Variants in POU6F2 observed in about 807,000 individuals in gnomAD.
The protein encoded by POU6F2 is POU class 6 homeobox 2.
POU6F2 carries 31 observed loss-of-function variants against 71.3 expected under a neutral mutation model. The observed-to-expected ratio is 0.43, with a 90% CI of 0.33 to 0.59. POU6F2 has a LOEUF of 0.59. Ranked by LOEUF, POU6F2 falls within the 20% of genes least tolerant of loss-of-function variation. POU6F2 has a pLI of 0.04. For synonymous variants in POU6F2, 347 were observed against 355.7 expected (o/e 0.98, Z 0.27); for missense variants, 783 against 856.8 (o/e 0.91, Z 1.07).
intron 4 of POU6F2, among the ~76,000 whole-genome samples, chr7:39,314,142 G>A (rs1785218304): frequency 6.6e-6 from 1 of 152,190 alleles, no homozygotes; most frequent in Non-Finnish European, 1.5e-5. Context: ...TGCAGGTCAG[G>A]TCCCTGGCTT....
intron 1 of POU6F2, among the ~76,000 whole-genome samples, chr7:39,076,453 C>A (rs539781819): frequency 6.6e-6 from 1 of 152,110 alleles, no homozygotes; most frequent in Non-Finnish European, 1.5e-5. Flanking sequence ...CCTCGTGGCA[C>A]GCATTTACCT....
chr7:39,155,540 C>A (rs958602493), intron 2 of POU6F2, among the ~76,000 whole-genome samples: 2 of 152,148 alleles, frequency 1.3e-5, no homozygotes, highest in African/African-American at 4.8e-5. Context: ...AAATCATAAG[C>A]TCTGAAGTTG....
At chr7:39,311,472 C>T (rs575457223) in intron 4 of POU6F2, among the ~76,000 whole-genome samples, 6 of 152,286 alleles carry the variant, frequency 3.9e-5, no homozygotes, top group South Asian at 2.1e-4. Flanking sequence ...TCCGCTAGAA[C>T]GTAAGCTCCG....
chr7:39,187,345 G>T, intron 2 of POU6F2, among the ~76,000 whole-genome samples: 1 of 152,196 alleles, frequency 6.6e-6, no homozygotes, highest in South Asian at 2.1e-4. Context: ...TCGCCTGCCT[G>T]TTCCACCCCA....
intron 4 of POU6F2, 117 bp downstream of exon 4, chr7:39,207,737 T>A: frequency 1.0e-6 from 1 of 959,794 alleles, no homozygotes; most frequent in Non-Finnish European, 1.5e-6. Context: ...GCTTCTGCCC[T>A]AAATGATATG....
Position 39,459,453 on chromosome 7 carries a change from GT to G in POU6F2, c.1490-1090del, listed in dbSNP as rs1562560838. Among the ~76,000 whole-genome samples, 28 of 36,006 alleles carry G rather than the reference GT, an allele frequency of 7.8e-4. No individual in the cohort carries two copies. The East Asian group carries it at 0.01, about 13-fold the overall frequency. 23.6% of individuals were successfully genotyped at this position (36,006 alleles called of 152,430 possible). ...GCGTGCAAATGTTCTGGTTTTGTGG[GT>G]TTTGTTTTGTTTTGTTTTGTTTTGT... On this transcript the variant is annotated intron_variant, in intron 8 of 9. Coordinates refer to ENST00000518318, the MANE Select transcript of POU6F2 (RefSeq NM_001370959.1).
chr7:39,245,813 G>A (rs1562761264), intron 4 of POU6F2, among the ~76,000 whole-genome samples: 2 of 152,172 alleles, frequency 1.3e-5, no homozygotes, highest in Non-Finnish European at 2.9e-5. Flanking sequence ...AGAAGACCAC[G>A]TAATTTGACC....
chr7:39,441,673 T>C (rs1788408842), intron 7 of POU6F2, among the ~76,000 whole-genome samples: 1 of 152,162 alleles, frequency 6.6e-6, no homozygotes, highest in South Asian at 2.1e-4. Flanking sequence ...GGTAAAGCAA[T>C]GAAGAAACAT....
chr7:39,087,183 T>C (rs531026188), intron 2 of POU6F2, among the ~76,000 whole-genome samples: 1 of 134,084 alleles, frequency 7.5e-6, no homozygotes, highest in African/African-American at 2.8e-5. Context: ...TTTATTTATT[T>C]ATTTATTTAT....
intron 5 of POU6F2, among the ~76,000 whole-genome samples, chr7:39,389,905 T>A (rs980353471): frequency 8.5e-5 from 13 of 152,176 alleles, no homozygotes; most frequent in African/African-American, 3.1e-4. Context: ...ATGGCCCTAC[T>A]CCAAATCCCC....
chr7:39,203,139 G>A (rs1485790180), intron 2 of POU6F2, among the ~76,000 whole-genome samples: 1 of 152,184 alleles, frequency 6.6e-6, no homozygotes, highest in African/African-American at 2.4e-5. Flanking sequence ...TTATTTATAA[G>A]TCTGTCCCTT....
intron 2 of POU6F2, among the ~76,000 whole-genome samples, chr7:39,106,291 C>T (rs1046661543): frequency 6.6e-6 from 1 of 152,186 alleles, no homozygotes; most frequent in African/African-American, 2.4e-5. Flanking sequence ...ACCATTGTTG[C>T]TCTCTACTAC....
intron 4 of POU6F2, among the ~76,000 whole-genome samples, chr7:39,322,758 G>A (rs749079221): frequency 3.3e-5 from 5 of 152,176 alleles, no homozygotes; most frequent in African/African-American, 7.2e-5. Context: ...GCCTTGGCCT[G>A]TACAGTTATA....
chr7:38,988,994 C>T (rs1030611902), intron 1 of POU6F2, among the ~76,000 whole-genome samples: 2 of 152,032 alleles, frequency 1.3e-5, no homozygotes, highest in African/African-American at 4.8e-5. Context: ...AACTGTTGTA[C>T]TTGGGCTCCA....
At chr7:39,234,806 T>C (rs1045065644) in intron 4 of POU6F2, among the ~76,000 whole-genome samples, 2 of 152,246 alleles carry the variant, frequency 1.3e-5, no homozygotes, top group Non-Finnish European at 2.9e-5. Flanking sequence ...ATAGTACCAT[T>C]GTTCCATTTT....
intron 1 of POU6F2, among the ~76,000 whole-genome samples, chr7:39,065,683 A>T (rs1167259210): frequency 6.6e-6 from 1 of 151,606 alleles, no homozygotes; most frequent in African/African-American, 2.4e-5. Context: ...ATTCGGATAT[A>T]CTTGAAAATC....
intron 4 of POU6F2, among the ~76,000 whole-genome samples, chr7:39,268,974 A>G (rs1274505602): frequency 2.0e-5 from 3 of 152,236 alleles, no homozygotes; most frequent in Non-Finnish European, 4.4e-5. Flanking sequence ...GACTCTGTTT[A>G]TAAGTACAAA....
At chr7:39,228,807 C>T (rs1045082149) in intron 4 of POU6F2, among the ~76,000 whole-genome samples, 10 of 152,194 alleles carry the variant, frequency 6.6e-5, no homozygotes, top group African/African-American at 2.2e-4. Context: ...TAATTGCAGC[C>T]CTGGGAATAA....
rs1784565269 is a variant in POU6F2, at chr7:39,281,692, CCATT to C, written c.599-57946_599-57943del. Among the ~76,000 whole-genome samples the C allele has an allele frequency of 2.6e-5, 4 of 152,208 alleles. No individual in the cohort carries two copies. The South Asian group carries it at 8.3e-4, about 32-fold the overall frequency. On this transcript the variant is annotated intron_variant, in intron 4 of 9. Transcript: ENST00000518318. ...TGTGTATATACCACATTTTCTTTAT[CCATT>C]CATCAGTTGATGGACACTTAGGTTG...
Sources: gnomAD v4.1 joint callset for allele counts (sites outside exome capture counted in the v4.1 genomes callset) on GRCh38, gnomAD v4.1.1 for gene constraint, MANE v1.5 for transcripts, NCBI Gene and HGNC (gene_info 2026-07-23, HGNC 2026-07-21) for gene names.